Variants in VAT1L observed in about 807,000 individuals in gnomAD.
VAT1L encodes vesicle amine transport 1 like.
Under a neutral mutation model 44.1 loss-of-function variants are expected in VAT1L, and 34 were observed. The observed-to-expected ratio is 0.77, with a 90% CI of 0.59 to 1.03. The LOEUF is 1.03. Among genes scored for constraint, VAT1L ranks in the 50% least tolerant of loss-of-function variants. The pLI is 0.00. For synonymous variants in VAT1L, 253 were observed against 202.2 expected (o/e 1.25, Z -2.13); for missense variants, 615 against 538.8 (o/e 1.14, Z -1.40).
At chr16:77,914,903 A>C (rs1284073878) in intron 7 of VAT1L, among the ~76,000 whole-genome samples, 2 of 152,226 alleles carry the variant, frequency 1.3e-5, no homozygotes, top group Non-Finnish European at 2.9e-5. Flanking sequence ...AGGCAGGCGG[A>C]TCACCTGAGG....
At chr16:77,915,665 C>A (rs981285221) in intron 7 of VAT1L, among the ~76,000 whole-genome samples, 1 of 152,144 alleles carries the variant, frequency 6.6e-6, no homozygotes, top group African/African-American at 2.4e-5. Context: ...TGTTGGTGTT[C>A]CATCACTACA....
chr16:77,892,202 G>C (rs1338410536), intron 7 of VAT1L, among the ~76,000 whole-genome samples: 2 of 152,322 alleles, frequency 1.3e-5, no homozygotes, highest in African/African-American at 4.8e-5. Context: ...AGGGGACAGA[G>C]AGGATGACTG....
At chr16:77,887,613 T>G (rs908388838) in intron 7 of VAT1L, among the ~76,000 whole-genome samples, 3 of 152,114 alleles carry the variant, frequency 2.0e-5, no homozygotes, top group African/African-American at 7.2e-5. Context: ...GCTGGGGTTG[T>G]CAGCACTGGC....
rs190664386 is a variant in VAT1L at position 77,817,249 on chromosome 16, C to T, written c.363+199C>T. Among the ~76,000 whole-genome samples the T allele has an allele frequency of 9.2e-5, 14 of 152,302 alleles. No homozygotes were observed. In the East Asian group the frequency reaches 2.5e-3, roughly 27 times the overall value. ...AGACTATCTTGGTTGCTCCTGGCAG[C>T]ATTCTGGTGCAGGGGGCAGGACAAA... On this transcript the variant is annotated intron_variant, in intron 2 of 8. Transcript: ENST00000302536.
At chr16:77,934,747 G>C (rs1341704587) in intron 7 of VAT1L, among the ~76,000 whole-genome samples, 1 of 152,110 alleles carries the variant, frequency 6.6e-6, no homozygotes, top group East Asian at 1.9e-4. Context: ...AGACAGGGTA[G>C]GTTTACTGTT....
Position 77,884,462 on chromosome 16 carries a change from C to G in VAT1L, c.883-146C>G, listed in dbSNP as rs1231731523. 1 of 628,616 alleles carries G rather than the reference C, an allele frequency of 1.6e-6. No individual in the cohort carries two copies. Among genetic ancestry groups the G allele is most frequent in the East Asian group, 3.3e-5 (1 of 30,412 alleles). The allele number at this position is 628,616 out of a possible 1,614,324, so 38.9% of individuals were successfully genotyped here. On this transcript the variant is annotated intron_variant, in intron 6 of 8. Transcript: ENST00000302536. This position sits in a 1 kb window ranked among gnomAD's most constrained non-coding sequence, Gnocchi z 4.5. ...AAAAATAAAATAAAAAAATACACCACCAAGAGCAACCCCTTGGCCAGCTGG... is the reference window on the plus strand; with the variant it reads ...AAAAATAAAATAAAAAAATACACCAGCAAGAGCAACCCCTTGGCCAGCTGG...
intron 3 of VAT1L, among the ~76,000 whole-genome samples, chr16:77,855,389 C>T (rs1268074563): frequency 1.3e-5 from 2 of 151,440 alleles, no homozygotes; most frequent in African/African-American, 4.9e-5. Context: ...CATGAGCTTA[C>T]CCCTAGTCAC....
chr16:77,963,590 G>C (rs149157819), intron 7 of VAT1L, among the ~76,000 whole-genome samples: 67 of 152,022 alleles, frequency 4.4e-4, no homozygotes, highest in African/African-American at 1.6e-3. Context: ...ATAGGAAACT[G>C]ATACAAAACC....
At chr16:77,849,391 C>A (rs1177038764) in intron 3 of VAT1L, among the ~76,000 whole-genome samples, 2 of 152,200 alleles carry the variant, frequency 1.3e-5, no homozygotes, top group Non-Finnish European at 2.9e-5. Flanking sequence ...ATTCATTCAT[C>A]TCCATGTTTT....
At chr16:77,921,413 G>T (rs1013119694) in intron 7 of VAT1L, among the ~76,000 whole-genome samples, 1 of 152,108 alleles carries the variant, frequency 6.6e-6, no homozygotes, top group Non-Finnish European at 1.5e-5. Flanking sequence ...TCTCCTTTAG[G>T]AGAACCCATG....
intron 7 of VAT1L, among the ~76,000 whole-genome samples, chr16:77,961,198 A>C (rs391578): frequency 6.6e-6 from 1 of 151,826 alleles, no homozygotes; most frequent in Non-Finnish European, 1.5e-5. Flanking sequence ...TGTTGGCTGC[A>C]CGTCTATTCA....
intron 3 of VAT1L, among the ~76,000 whole-genome samples, chr16:77,843,352 C>T (rs529997901): frequency 8.5e-5 from 13 of 152,220 alleles, no homozygotes; most frequent in African/African-American, 2.9e-4. Flanking sequence ...GATGCCCCAA[C>T]TTAAAGAGGT....
intron 1 of VAT1L, among the ~76,000 whole-genome samples, chr16:77,798,071 G>A (rs867726650): frequency 9.2e-5 from 14 of 152,138 alleles, no homozygotes; most frequent in Non-Finnish European, 1.0e-4. Flanking sequence ...GACCCCTGAG[G>A]TCTCATCCCC....
In VAT1L at chr16:77,884,506, C is replaced by T; in HGVS notation, c.883-102C>T. 8.6e-7 allele frequency: 1 copy of T among 1,166,886 alleles called. No homozygotes were observed. The highest frequency in any genetic ancestry group is 1.6e-5 in the South Asian group (1 of 63,222). 72.3% of individuals were successfully genotyped at this position (1,166,886 alleles called of 1,614,324 possible). On this transcript the variant is annotated intron_variant, in intron 6 of 8. Transcript: ENST00000302536. The surrounding 1 kb of genome is among the most constrained non-coding windows in gnomAD (Gnocchi z 4.5). ...CAGCTGGAATCTGCTGAGCTGCAGC[C>T]CCACGTTCCCCCTGTAGTAGCTGAT...
At chr16:77,941,642 A>G (rs986443015) in intron 7 of VAT1L, among the ~76,000 whole-genome samples, 8 of 152,082 alleles carry the variant, frequency 5.3e-5, no homozygotes, top group Admixed American at 1.3e-4. Context: ...CTGGAGTGCA[A>G]TGGCATGATC....
intron 7 of VAT1L, among the ~76,000 whole-genome samples, chr16:77,912,250 T>C (rs947521014): frequency 2.6e-5 from 4 of 152,206 alleles, no homozygotes; most frequent in African/African-American, 9.7e-5. Context: ...GTGGGGTTGA[T>C]CACCCTCAGC....
rs2015778274 is a variant in VAT1L, at chr16:77,788,866, G to C, written c.184G>C (p.Ala62Pro). The change falls in exon 1 of 9, where the codon GCC (alanine) becomes CCC (proline). Residue 62 changes from alanine (A) to proline (P), a missense_variant. By Grantham distance (27) the Ala-to-Pro change is conservative (BLOSUM62 -1). Coordinates refer to ENST00000302536, the MANE Select transcript of VAT1L (RefSeq NM_020927.3). Reference sequence around the variant, plus strand: ...CAACAAGCTGCGGCTCTTCAGGAAGGCCATGCCCGAGCCTCAGGACGGCGA... The same window carrying C: ...CAACAAGCTGCGGCTCTTCAGGAAGCCCATGCCCGAGCCTCAGGACGGCGA... ...GLNKLRLFRKAMPEPQDGELK... is the reference protein window; with the variant it reads ...GLNKLRLFRKPMPEPQDGELK... The C allele has an allele frequency of 6.4e-7, 1 of 1,570,450 alleles. No homozygotes were observed. Among genetic ancestry groups the C allele is most frequent in the East Asian group, 2.3e-5 (1 of 43,026 alleles).
chr16:77,800,480 CA>C (rs1488056624), intron 1 of VAT1L: 2 of 152,246 alleles, frequency 1.3e-5, no homozygotes, highest in Non-Finnish European at 2.9e-5. Context: ...TCGTAGGTAT[CA>C]GGCACCCCAA....
chr16:77,832,202 G>C (rs533247038), intron 3 of VAT1L, among the ~76,000 whole-genome samples: 3 of 151,756 alleles, frequency 2.0e-5, no homozygotes, highest in Non-Finnish European at 4.4e-5. Context: ...ATGGGCAAAC[G>C]GTATCTTGGA....
Sources: allele counts gnomAD v4.1 joint callset (sites outside exome capture counted in the v4.1 genomes callset), GRCh38; gene constraint gnomAD v4.1.1; non-coding constraint Gnocchi (gnomAD v3.1); transcripts MANE v1.5; gene names NCBI Gene and HGNC (gene_info 2026-07-23, HGNC 2026-07-21).